The following TOP2A variants were observed in gnomAD, a reference collection of about 807,000 sequenced individuals.
The protein encoded by TOP2A is DNA topoisomerase II alpha.
Under a neutral mutation model 187.2 loss-of-function variants are expected in TOP2A, and 68 were observed. The observed-to-expected ratio is 0.36, with a 90% CI of 0.30 to 0.44. TOP2A has a LOEUF of 0.44. TOP2A is among the 20% of genes least tolerant of loss of function. The pLI is 1.00. For synonymous variants in TOP2A, 542 were observed against 593.2 expected (o/e 0.91, Z 1.25); for missense variants, 1,196 against 1,808.7 (o/e 0.66, Z 6.14).
chr17:40,392,353 A>G lies in TOP2A; in HGVS notation c.3965-12T>C, dbSNP rs778061721. ...GAATTTTGTTTTTGCTAGTAAAAAA[A>G]CCATATACAAAAAAATCAAAGAGGG... is the stretch of plus-strand genomic sequence containing the variant. On this transcript the variant is annotated splice_polypyrimidine_tract_variant and intron_variant, in intron 30 of 34. Transcript: ENST00000423485. The G allele has an allele frequency of 2.0e-5, 31 of 1,574,838 alleles. No individual in the cohort carries two copies. The highest frequency in any genetic ancestry group is 2.7e-5 in the African/African-American group (2 of 73,910).
chr17:40,404,515 T>C, intron 17 of TOP2A, 24 bp from the exon 18 acceptor site: 1 of 1,357,372 alleles, frequency 7.4e-7, no homozygotes, highest in Non-Finnish European at 1.0e-6. Flanking sequence ...TAGTATTACA[T>C]GAGTCTACCG....
chr17:40,404,593 C>T (rs544459229), intron 17 of TOP2A, 102 bp from the exon 18 acceptor site: 2 of 766,636 alleles, frequency 2.6e-6, no homozygotes, highest in East Asian at 5.4e-5. Flanking sequence ...TTCTGTAATT[C>T]TTAAGTCTTT....
chr17:40,398,676 T>C (rs755540145), intron 26 of TOP2A, 35 bp from the exon 27 acceptor site: 2 of 1,605,524 alleles, frequency 1.2e-6, no homozygotes, highest in Non-Finnish European at 1.7e-6. Flanking sequence ...AGTTAATATA[T>C]GTATACAAGC....
chr17:40,417,634 A>G, intron 1 of TOP2A, 137 bp downstream of exon 1: 1 of 1,526,550 alleles, frequency 6.6e-7, no homozygotes, highest in Non-Finnish European at 8.8e-7. Flanking sequence ...TCACCCCGGA[A>G]CCGGGAATGG....
chr17:40,403,237 G>A (rs1048486894), intron 19 of TOP2A, among the ~76,000 whole-genome samples, 183 bp from the exon 20 acceptor site: 4 of 152,150 alleles, frequency 2.6e-5, no homozygotes, highest in Admixed American at 6.5e-5. Flanking sequence ...TAGGGCTGCC[G>A]TCCAACAATT....
At chr17:40,405,130 A>C (rs1451634575) in intron 16 of TOP2A, among the ~76,000 whole-genome samples, 3 of 144,480 alleles carry the variant, frequency 2.1e-5, no homozygotes, top group Non-Finnish European at 3.1e-5. Flanking sequence ...CCTGGGATTA[A>C]AGGCGCCCGC....
At chr17:40,414,854 CAAAA>C (rs531134947) in intron 4 of TOP2A, among the ~76,000 whole-genome samples, 1 of 47,622 alleles carries the variant, frequency 2.1e-5, no homozygotes. Flanking sequence ...AAAACTCCAT[CAAAA>C]AAAAAAAAAA....
chr17:40,415,113 G>T (rs1477847010), intron 4 of TOP2A, among the ~76,000 whole-genome samples: 4 of 149,668 alleles, frequency 2.7e-5, no homozygotes, highest in African/African-American at 9.9e-5. Context: ...GGAGTGCAGT[G>T]GTGCAATCTC....
intron 20 of TOP2A, among the ~76,000 whole-genome samples, chr17:40,401,810 T>C (rs73983044): frequency 0.018 from 2,711 of 152,058 alleles, 87 homozygotes; most frequent in African/African-American, 0.061. Context: ...TAAAAGGCCC[T>C]GAAGAGGAAA....
At chr17:40,413,041 A>G in intron 6 of TOP2A, 70 bp from the exon 7 acceptor site, 1 of 1,375,398 alleles carries the variant, frequency 7.3e-7, no homozygotes, top group Middle Eastern at 1.8e-4. Context: ...AATAACATAA[A>G]TTTATGAGTC....
rs773704270 is a variant in TOP2A at position 40,413,243 on chromosome 17, T to C, written c.528A>G (p.Lys176=). The C allele has an allele frequency of 7.7e-6, 12 of 1,567,040 alleles. No homozygotes were observed. In the East Asian group the frequency reaches 2.6e-4, roughly 33 times the overall value. The stretch of plus-strand genomic sequence containing the variant: ...CTCTACTGGCTGTTTCCACAGTAAA[T>C]TTGGTACTGAATATGTTACACAATT... ...GAKLCNIFST[K]FTVETASREY... is the part of the protein sequence containing the mutation. The change falls in exon 6 of 35, where the codon AAA becomes AAG. Residue 176 remains lysine, a synonymous_variant. Coordinates refer to ENST00000423485, the MANE Select transcript of TOP2A (RefSeq NM_001067.4).
At chr17:40,416,537 G>C (rs1301865943) in intron 2 of TOP2A, 25 bp from the exon 3 acceptor site, 1 of 1,516,278 alleles carries the variant, frequency 6.6e-7, no homozygotes, top group Non-Finnish European at 9.1e-7. Context: ...AAGAAATACT[G>C]TTATTTTTAT....
intron 3 of TOP2A, 63 bp from the exon 4 acceptor site, chr17:40,416,131 TAAG>T: frequency 7.9e-7 from 1 of 1,270,420 alleles, no homozygotes; most frequent in Non-Finnish European, 1.1e-6. Context: ...TCTGTAACTC[TAAG>T]TAAGATATAG....
At chr17:40,402,386 G>A (rs1397766526) in intron 20 of TOP2A, among the ~76,000 whole-genome samples, 2 of 152,144 alleles carry the variant, frequency 1.3e-5, no homozygotes, top group East Asian at 1.9e-4. Context: ...TGTAGGCATT[G>A]GAAAGAGATC....
In TOP2A at chr17:40,416,822, C is replaced by A. The variant is rs963352942; in HGVS notation, c.95G>T (p.Arg32Ile). The A allele has an allele frequency of 6.2e-7, 1 of 1,612,886 alleles. No individual in the cohort carries two copies. The highest frequency in any genetic ancestry group is 8.5e-7 in the Non-Finnish European group (1 of 1,179,526). The change falls in exon 2 of 35, where the codon AGA becomes ATA. Residue 32 changes from arginine (R) to isoleucine (I), a missense_variant. Coordinates refer to ENST00000423485, the MANE Select transcript of TOP2A (RefSeq NM_001067.4). ...EDAKKRLSVE[R>I]IYQKKTQLEH... ...CAATTGTGTTTTCTTTTGATAGATT[C>A]TTTCAACAGACAGTCTTTTCTTAGC...
At chr17:40,415,296 C>T (rs1482529830) in intron 4 of TOP2A, among the ~76,000 whole-genome samples, 4 of 152,178 alleles carry the variant, frequency 2.6e-5, no homozygotes, top group East Asian at 3.9e-4. Flanking sequence ...CCTTGTGATC[C>T]GCCCGCATCG....
In TOP2A at chr17:40,412,923, A is replaced by G; in HGVS notation, c.625T>C (p.Phe209Leu). The change falls in exon 7 of 35, where the codon TTC (phenylalanine) becomes CTC (leucine). Residue 209 changes from phenylalanine (F) to leucine (L), a missense_variant. By Grantham distance (22) the Phe-to-Leu change is conservative (BLOSUM62 0). Transcript: ENST00000423485. Reference protein sequence around the residue: ...GRAGEMELKPFNGEDYTCITF... With the variant: ...GRAGEMELKPLNGEDYTCITF... ...ATACATGTATAATCTTCTCCATTGA[A>G]GGGCTTGAGTTCCATCTCACCAGCT... 13 of 1,613,842 alleles carry G rather than the reference A, an allele frequency of 8.1e-6. No homozygotes were observed. Among genetic ancestry groups the G allele is most frequent in the Non-Finnish European group, 1.1e-5 (13 of 1,179,814 alleles).
At chr17:40,404,960 G>T in intron 16 of TOP2A, 77 bp from the exon 17 acceptor site, 1 of 834,060 alleles carries the variant, frequency 1.2e-6, no homozygotes, top group Non-Finnish European at 1.9e-6. Context: ...TACAAAGAAC[G>T]AACAACAGAA....
At chr17:40,395,600 T>C in intron 28 of TOP2A, 61 bp from the exon 29 acceptor site, 1 of 1,268,032 alleles carries the variant, frequency 7.9e-7, no homozygotes, top group Admixed American at 2.2e-5. Context: ...GGATTAGAGA[T>C]TTTATACATT....
Sources: gnomAD v4.1 joint callset for allele counts (sites outside exome capture counted in the v4.1 genomes callset) on GRCh38, gnomAD v4.1.1 for gene constraint, MANE v1.5 for transcripts, NCBI Gene and HGNC (gene_info 2026-07-23, HGNC 2026-07-21) for gene names.